Variants in ELF1 observed in about 807,000 individuals in gnomAD.
The protein encoded by ELF1 is E74 like ETS transcription factor 1.
ELF1 carries 24 observed loss-of-function variants against 59.9 expected under a neutral mutation model. The ratio of observed to expected loss-of-function variants is 0.40; its 90% CI spans 0.29 to 0.56. The LOEUF (loss-of-function observed/expected upper bound fraction) is 0.56, where lower values mean the gene tolerates loss of function less well. Among genes scored for constraint, ELF1 ranks in the 20% least tolerant of loss-of-function variants. ELF1 has a pLI of 0.44. For missense variants in ELF1, 627 were observed against 742.2 expected, an observed-to-expected ratio of 0.84 and a Z score of 1.80; for synonymous variants, 248 against 266.2, an observed-to-expected ratio of 0.93 and a Z score of 0.67.
chr13:41,040,655 A>G (rs1195237993), intron 1 of ELF1, among the ~76,000 whole-genome samples: 1 of 152,056 alleles, frequency 6.6e-6, no homozygotes, highest in Non-Finnish European at 1.5e-5. Context: ...TTCCTATGAG[A>G]ATCTAATGCT....
chr13:41,029,295 G>T (rs983791378), intron 1 of ELF1, among the ~76,000 whole-genome samples: 1 of 152,248 alleles, frequency 6.6e-6, no homozygotes, highest in East Asian at 1.9e-4. Flanking sequence ...TTAATTTCAG[G>T]TGTCAACTTA....
At chr13:41,032,219 A>AC (rs1876194026) in intron 1 of ELF1, among the ~76,000 whole-genome samples, 1 of 148,126 alleles carries the variant, frequency 6.8e-6, no homozygotes, top group Non-Finnish European at 1.5e-5. Flanking sequence ...TTATTTATTT[A>AC]CTTTTTTTTT....
chr13:41,031,818 C>CA (rs3072004), intron 1 of ELF1, among the ~76,000 whole-genome samples: 7,174 of 82,122 alleles, frequency 0.087, 768 homozygotes, highest in African/African-American at 0.23. Context: ...GACTCCGTGT[C>CA]AAAAAAAAAA....
intron 3 of ELF1, among the ~76,000 whole-genome samples, chr13:40,954,025 C>T (rs1871035737): frequency 6.6e-6 from 1 of 152,212 alleles, no homozygotes; most frequent in South Asian, 2.1e-4. Context: ...TCAGGATACA[C>T]TGCTAAACCC....
At chr13:40,943,811 T>C (rs1282267629) in intron 6 of ELF1, 31 bp downstream of exon 6, 4 of 1,582,732 alleles carry the variant, frequency 2.5e-6, no homozygotes, top group African/African-American at 1.3e-5. Context: ...ATCTGAGTGT[T>C]ATTTGACCTA....
chr13:41,015,762 C>T (rs1875320980), intron 1 of ELF1, among the ~76,000 whole-genome samples: 2 of 152,114 alleles, frequency 1.3e-5, no homozygotes, highest in African/African-American at 4.8e-5. Flanking sequence ...AAGCTGAGGG[C>T]CACATGCTTT....
intron 1 of ELF1, among the ~76,000 whole-genome samples, chr13:41,054,271 A>ATTAAT (rs1308576960): frequency 6.6e-6 from 1 of 152,244 alleles, no homozygotes; most frequent in Non-Finnish European, 1.5e-5. Flanking sequence ...CAGAGAAAAA[A>ATTAAT]TTAATTTCAA....
chr13:40,965,765 T>C (rs1872137734), intron 2 of ELF1, among the ~76,000 whole-genome samples: 1 of 152,244 alleles, frequency 6.6e-6, no homozygotes, highest in African/African-American at 2.4e-5. Context: ...ATTTAAATAA[T>C]TAGATTAAGC....
chr13:40,969,855 T>C (rs767652522), intron 2 of ELF1, among the ~76,000 whole-genome samples: 3 of 112,102 alleles, frequency 2.7e-5, no homozygotes, highest in Admixed American at 1.0e-4. Flanking sequence ...AGGTACAGGC[T>C]GCCACATCAT....
chr13:41,030,161 A>G (rs990213895), intron 1 of ELF1, among the ~76,000 whole-genome samples: 13 of 152,096 alleles, frequency 8.5e-5, no homozygotes, highest in Admixed American at 6.5e-5. Flanking sequence ...TTAGAAGTAG[A>G]AAAGATGAGG....
intron 5 of ELF1, among the ~76,000 whole-genome samples, chr13:40,949,189 T>C (rs1376291922): frequency 6.6e-6 from 1 of 152,012 alleles, no homozygotes; most frequent in Non-Finnish European, 1.5e-5. Context: ...TTTCACCTTA[T>C]TGGCCAGGCT....
At chr13:41,041,171 GGAA>G (rs1204615568) in intron 1 of ELF1, among the ~76,000 whole-genome samples, 1 of 150,510 alleles carries the variant, frequency 6.6e-6, no homozygotes, top group Non-Finnish European at 1.5e-5. Flanking sequence ...GAGAGGAGAG[GGAA>G]GAAGTACAAA....
intron 1 of ELF1, among the ~76,000 whole-genome samples, chr13:41,046,927 A>G (rs923463175): frequency 6.6e-6 from 1 of 152,202 alleles, no homozygotes; most frequent in Non-Finnish European, 1.5e-5. Flanking sequence ...TACACCAATG[A>G]GACGCAGATT....
chr13:40,967,429 T>C (rs1010492893), intron 2 of ELF1, among the ~76,000 whole-genome samples: 2 of 152,224 alleles, frequency 1.3e-5, no homozygotes, highest in Non-Finnish European at 2.9e-5. Flanking sequence ...TCTTCTGGAA[T>C]TGTTGTAAGA....
intron 4 of ELF1, 73 bp downstream of exon 4, chr13:40,951,256 A>G (rs1870827935): frequency 3.3e-6 from 4 of 1,227,862 alleles, no homozygotes; most frequent in Non-Finnish European, 4.6e-6. Context: ...TAATCTCTTG[A>G]TTTTACTAAT....
intron 6 of ELF1, 51 bp downstream of exon 6, chr13:40,943,791 C>A (rs1460863356): frequency 1.3e-6 from 2 of 1,516,082 alleles, no homozygotes; most frequent in Admixed American, 1.9e-5. Flanking sequence ...TAGGTAGGCA[C>A]TATAAAGCAA....
chr13:41,052,472 C>T (rs1368865542), intron 1 of ELF1, among the ~76,000 whole-genome samples: 1 of 152,112 alleles, frequency 6.6e-6, no homozygotes, highest in African/African-American at 2.4e-5. Flanking sequence ...TTAAAGAAGA[C>T]TAGAAAACAA....
chr13:41,052,667 G>C (rs1593414953), intron 1 of ELF1, among the ~76,000 whole-genome samples: 2 of 152,064 alleles, frequency 1.3e-5, no homozygotes, highest in Admixed American at 6.5e-5. Context: ...AGTGAGCCAT[G>C]ATCATGACAC....
rs79733755 is a variant in ELF1 at position 40,970,197 on chromosome 13, G to A, written c.73-11181C>T. ...CGTCAAGATTAATGAGGAAATTAAC[G>A]AACAGCTAAAAGACAAATTATCCTC... On this transcript the variant is annotated intron_variant, in intron 2 of 8. Transcript: ENST00000239882. Among the ~76,000 whole-genome samples, 70 of 152,152 alleles carry A rather than the reference G, an allele frequency of 4.6e-4. 4 individuals are homozygous for A. The East Asian group carries it at 0.013, about 27-fold the overall frequency.
Sources: gnomAD v4.1 joint callset for allele counts (sites outside exome capture counted in the v4.1 genomes callset) on GRCh38, gnomAD v4.1.1 for gene constraint, MANE v1.5 for transcripts, NCBI Gene and HGNC (gene_info 2026-07-23, HGNC 2026-07-21) for gene names.